Variants in BIN1 observed in about 807,000 individuals in gnomAD.
The protein encoded by BIN1 is bridging integrator 1.
A neutral mutation model predicts 82.0 loss-of-function variants in BIN1; 53 were observed. That is an observed-to-expected ratio of 0.65 (90% CI 0.52 to 0.81). The LOEUF (loss-of-function observed/expected upper bound fraction) is 0.81, where lower values mean the gene tolerates loss of function less well. BIN1 is among the 40% of genes least tolerant of loss of function. The probability of loss-of-function intolerance (pLI) is 0.00; values close to 1 mark genes in which losing one functional copy is unlikely to be tolerated. For synonymous variants in BIN1, 302 were observed against 328.0 expected (o/e 0.92, Z 0.86); for missense variants, 642 against 784.4 (o/e 0.82, Z 2.17).
chr2:127,049,712 C>T lies in BIN1; in HGVS notation c.1674+709G>A, dbSNP rs546287031. ...CACAAGCAAAGCTGGCTCTACACAG[C>T]GGGGAGGCTCCTGCCAAGAGTCCAA... On this transcript the variant is annotated intron_variant, in intron 18 of 18. Transcript: ENST00000316724. Among the ~76,000 whole-genome samples, 168 of 152,298 alleles carry T rather than the reference C, an allele frequency of 1.1e-3. 1 individual carries two copies. The highest frequency in any genetic ancestry group is 6.9e-4 in the Non-Finnish European group (47 of 68,024).
intron 1 of BIN1, among the ~76,000 whole-genome samples, chr2:127,088,480 A>G (rs189421739): frequency 1.3e-5 from 2 of 152,248 alleles, no homozygotes; most frequent in East Asian, 3.9e-4. Context: ...TCACACCTGT[A>G]ATCCCAGCAC....
intron 1 of BIN1, among the ~76,000 whole-genome samples, chr2:127,104,830 A>C (rs1345203495): frequency 6.6e-6 from 1 of 152,306 alleles, no homozygotes; most frequent in South Asian, 2.1e-4. Context: ...AGGGAGGGGA[A>C]GGCTACTTTC....
chr2:127,053,348 G>A lies in BIN1; in HGVS notation c.1263+74C>T. ...GTGCATGCACCTGTGAACAGGCTAG[G>A]AGCATGTGGGCCTGGACACATACGG... On this transcript the variant is annotated intron_variant, in intron 14 of 18. Coordinates refer to ENST00000316724, the MANE Select transcript of BIN1 (RefSeq NM_139343.3). 1.9e-6 allele frequency: 3 copies of A among 1,580,188 alleles called. No individual in the cohort carries two copies. In the South Asian group the frequency reaches 3.4e-5, roughly 18 times the overall value.
At chr2:127,052,129 C>T in intron 15 of BIN1, 126 bp downstream of exon 15, 1 of 1,051,440 alleles carries the variant, frequency 9.5e-7, no homozygotes, top group East Asian at 2.6e-5. Flanking sequence ...AGCTCAGGAC[C>T]CTGTCCTCAC....
In BIN1 at chr2:127,048,346, G is replaced by T; in HGVS notation, c.*180C>A. The T allele has an allele frequency of 3.2e-6, 2 of 621,186 alleles. No homozygotes were observed. Among genetic ancestry groups the T allele is most frequent in the Admixed American group, 5.4e-5 (2 of 36,830 alleles). 38.5% of individuals were successfully genotyped at this position (621,186 alleles called of 1,614,324 possible). ...TGGTGAATTCCGCCGGACTTGCCGG[G>T]ACGCGGCTCTTTGGAAAACGACCTA... On this transcript the variant is annotated 3_prime_UTR_variant, in exon 19 of 19. Coordinates refer to ENST00000316724, the MANE Select transcript of BIN1 (RefSeq NM_139343.3).
chr2:127,053,499 G>A (rs1206189963), intron 13 of BIN1, 54 bp from the exon 14 acceptor site: 4 of 1,605,126 alleles, frequency 2.5e-6, no homozygotes, highest in Non-Finnish European at 3.4e-6. Flanking sequence ...TTAGAGACAG[G>A]GCGGCAAGCA....
rs752878597 is a variant in BIN1, at chr2:127,059,131, G to A, written c.882C>T (p.Asn294=). 1.3e-6 allele frequency: 2 copies of A among 1,586,504 alleles called. No individual in the cohort carries two copies. Among genetic ancestry groups the A allele is most frequent in the African/African-American group, 2.7e-5 (2 of 74,564 alleles). ...AGCCATCTGGAGGCGAAGGGCTCTT[G>A]TTCCCTTTTGCAGGCGCGTTGTCAC... ...QPSDNAPAKG[N]KSPSPPDGSP... The change falls in exon 11 of 19, where the codon AAC becomes AAT. Residue 294 remains asparagine (N), a synonymous_variant. Coordinates refer to ENST00000316724, the MANE Select transcript of BIN1 (RefSeq NM_139343.3). This position sits in a 1 kb window ranked among gnomAD's most constrained non-coding sequence, Gnocchi z 6.7.
rs574164919 is a variant in BIN1 at position 127,065,489 on chromosome 2, T to C, written c.613-1471A>G. ...AGGGGGGCTGCCAACCATGGTTCTA[T>C]GGAACTCATAAAATGAGTGAGTCCT... On this transcript the variant is annotated intron_variant, in intron 7 of 18. Coordinates refer to ENST00000316724, the MANE Select transcript of BIN1 (RefSeq NM_139343.3). Among the ~76,000 whole-genome samples, 5 of 152,274 alleles carry C rather than the reference T, an allele frequency of 3.3e-5. No individual in the cohort carries two copies. The East Asian group carries it at 5.8e-4, about 18-fold the overall frequency.
intron 1 of BIN1, among the ~76,000 whole-genome samples, chr2:127,076,963 C>T (rs1026944080): frequency 6.6e-6 from 1 of 152,146 alleles, no homozygotes; most frequent in African/African-American, 2.4e-5. Context: ...GTAGTGACCA[C>T]AGCCAGGAGG....
In BIN1 at chr2:127,087,239, C is replaced by A. The variant is rs1428752865; in HGVS notation, c.85-10533G>T. Among the ~76,000 whole-genome samples, 6 of 152,318 alleles carry A rather than the reference C, an allele frequency of 3.9e-5. 2 individuals carry two copies. ...CCTGTCTGCATCAGAGCTGGCAGCC[C>A]AGCCCCGCCCCTGAGAAAGAAGGGG... On this transcript the variant is annotated intron_variant, in intron 1 of 18. Transcript: ENST00000316724.
At chr2:127,062,428 CT>C (rs1684626923) in intron 9 of BIN1, among the ~76,000 whole-genome samples, 2 of 152,248 alleles carry the variant, frequency 1.3e-5, no homozygotes, top group Admixed American at 6.5e-5. Flanking sequence ...TGGAAGCCAT[CT>C]TTTCCCCTCC....
At chr2:127,063,827 T>C (rs1388537280) in intron 8 of BIN1, 106 bp downstream of exon 8, 3 of 1,493,666 alleles carry the variant, frequency 2.0e-6, no homozygotes, top group Non-Finnish European at 2.8e-6. Flanking sequence ...GCACGCAGAC[T>C]GGACACCGCA....
intron 15 of BIN1, 40 bp from the exon 16 acceptor site, chr2:127,051,283 G>A (rs1478538590): frequency 6.2e-7 from 1 of 1,603,478 alleles, no homozygotes; most frequent in Admixed American, 1.7e-5. Context: ...ACACAGGACA[G>A]GACACAGCCA....
At position 127,104,220 on chromosome 2, in the gene BIN1, C is replaced by T. The variant is rs1191169897; in HGVS notation, c.84+2640G>A. On this transcript the variant is annotated intron_variant, in intron 1 of 18. Coordinates refer to ENST00000316724, the MANE Select transcript of BIN1 (RefSeq NM_139343.3). ...CCCAAATCCCTTGTTCAAAAACATTCACTAAGCACCGACTGGGGCCAGGTA... is the reference window on the plus strand; with the variant it reads ...CCCAAATCCCTTGTTCAAAAACATTTACTAAGCACCGACTGGGGCCAGGTA... 2.0e-5 allele frequency among the ~76,000 whole-genome samples: 3 copies of T among 152,230 alleles called. 1 individual carries two copies. Among genetic ancestry groups the T allele is most frequent in the Non-Finnish European group, 4.4e-5 (3 of 68,038 alleles).
intron 14 of BIN1, 108 bp downstream of exon 14, chr2:127,053,314 G>A (rs1178365620): frequency 1.4e-6 from 2 of 1,470,782 alleles, no homozygotes; most frequent in South Asian, 2.4e-5. Flanking sequence ...CGTGTGGGGG[G>A]TGTGTGGGGT....
At chr2:127,087,631 AGGAC>A (rs1350294909) in intron 1 of BIN1, among the ~76,000 whole-genome samples, 2 of 152,224 alleles carry the variant, frequency 1.3e-5, no homozygotes, top group South Asian at 2.1e-4. Flanking sequence ...AGGGCAGTGC[AGGAC>A]GGACGGCAGA....
At chr2:127,083,918 C>T (rs530244858) in intron 1 of BIN1, among the ~76,000 whole-genome samples, 1 of 152,314 alleles carries the variant, frequency 6.6e-6, no homozygotes, top group African/African-American at 2.4e-5. Flanking sequence ...TCCCACCGCA[C>T]CACAGCTGTG....
chr2:127,100,163 C>A (rs1680131554), intron 1 of BIN1, among the ~76,000 whole-genome samples: 1 of 152,198 alleles, frequency 6.6e-6, no homozygotes. Context: ...TGGGAAAAAA[C>A]ACACAGCACA....
chr2:127,060,540 C>T, intron 10 of BIN1: 11 of 1,612,068 alleles, frequency 6.8e-6, no homozygotes, highest in Non-Finnish European at 8.5e-6. Flanking sequence ...GGCGCATGCA[C>T]AGGGCCAGCC....
Sources: gnomAD v4.1 joint callset for allele counts (sites outside exome capture counted in the v4.1 genomes callset) on GRCh38, gnomAD v4.1.1 for gene constraint, Gnocchi (gnomAD v3.1) non-coding constraint, MANE v1.5 for transcripts, NCBI Gene and HGNC (gene_info 2026-07-23, HGNC 2026-07-21) for gene names.